LIPC: variants seen among roughly 807,000 people sequenced by gnomAD.
The protein encoded by LIPC is lipase C, hepatic type.
A neutral mutation model predicts 50.7 loss-of-function variants in LIPC; 44 were observed. That is an observed-to-expected ratio of 0.87 (90% CI 0.68 to 1.11). The LOEUF (loss-of-function observed/expected upper bound fraction) is 1.11, where lower values mean the gene tolerates loss of function less well. LIPC is among the 50% of genes most tolerant of loss of function. LIPC has a pLI of 0.00. For missense variants in LIPC, 697 were observed against 648.2 expected (o/e 1.08, Z -0.82); for synonymous variants, 271 against 256.4 (o/e 1.06, Z -0.54).
chr15:58,501,010 T>C (rs897191785), intron 1 of LIPC, among the ~76,000 whole-genome samples: 1 of 152,026 alleles, frequency 6.6e-6, no homozygotes, highest in Non-Finnish European at 1.5e-5. Context: ...CAATCCATAT[T>C]TCTCCCATCT....
intron 1 of LIPC, among the ~76,000 whole-genome samples, chr15:58,492,359 A>G (rs1430480550): frequency 6.6e-6 from 1 of 152,222 alleles, no homozygotes; most frequent in Non-Finnish European, 1.5e-5. Flanking sequence ...ATATTATTGT[A>G]ATGTTACTAT....
chr15:58,464,982 G>A (rs557790951), intron 1 of LIPC, among the ~76,000 whole-genome samples: 61 of 152,184 alleles, frequency 4.0e-4, no homozygotes, highest in African/African-American at 1.3e-3. Flanking sequence ...CAAAAATGGG[G>A]AGCGAGGGGG....
At chr15:58,499,806 A>C (rs1390302640) in intron 1 of LIPC, among the ~76,000 whole-genome samples, 1 of 152,204 alleles carries the variant, frequency 6.6e-6, no homozygotes, top group Non-Finnish European at 1.5e-5. Context: ...GTTGGATAAC[A>C]GAAGTGGTCT....
At chr15:58,553,863 C>G (rs1034143363) in intron 6 of LIPC, among the ~76,000 whole-genome samples, 1 of 152,170 alleles carries the variant, frequency 6.6e-6, no homozygotes, top group Non-Finnish European at 1.5e-5. Flanking sequence ...ATCCTGGGCC[C>G]CTCAATCCTA....
intron 1 of LIPC, among the ~76,000 whole-genome samples, chr15:58,526,412 C>T (rs1566938900): frequency 6.6e-6 from 1 of 152,192 alleles, no homozygotes; most frequent in Admixed American, 6.5e-5. Flanking sequence ...GAGCATCCCA[C>T]AGCTGGAGCA....
At chr15:58,555,127 C>T (rs1893891573) in intron 6 of LIPC, among the ~76,000 whole-genome samples, 1 of 152,234 alleles carries the variant, frequency 6.6e-6, no homozygotes, top group Non-Finnish European at 1.5e-5. Flanking sequence ...TCCTCTAAAG[C>T]TGACTCCTGG....
At chr15:58,502,919 A>G (rs1258381078) in intron 1 of LIPC, among the ~76,000 whole-genome samples, 1 of 149,600 alleles carries the variant, frequency 6.7e-6, no homozygotes, top group African/African-American at 2.5e-5. Context: ...AGCTTTCCTA[A>G]TCATTCAACA....
At chr15:58,462,821 A>T (rs554701242) in intron 1 of LIPC, among the ~76,000 whole-genome samples, 1 of 152,254 alleles carries the variant, frequency 6.6e-6, no homozygotes, top group East Asian at 1.9e-4. Context: ...CTCTCGGCAG[A>T]GGGGGCAGGC....
At chr15:58,451,428 G>A (rs1893895387) in intron 1 of LIPC, among the ~76,000 whole-genome samples, 3 of 152,012 alleles carry the variant, frequency 2.0e-5, no homozygotes, top group African/African-American at 7.3e-5. Flanking sequence ...TTCTTCATTC[G>A]CTCCCCACCC....
chr15:58,537,278 G>C (rs1443400251), intron 1 of LIPC, among the ~76,000 whole-genome samples: 9 of 152,170 alleles, frequency 5.9e-5, no homozygotes, highest in Non-Finnish European at 1.2e-4. Flanking sequence ...GACAGCTGTC[G>C]GGCTGCCTGG....
chr15:58,561,943 T>C (rs1220156675), intron 7 of LIPC, among the ~76,000 whole-genome samples: 2 of 152,116 alleles, frequency 1.3e-5, no homozygotes, highest in African/African-American at 4.8e-5. Context: ...ATTCAGATGG[T>C]TGGAGGGCTT....
At chr15:58,530,684 A>G (rs57217507) in intron 1 of LIPC, among the ~76,000 whole-genome samples, 46 of 152,300 alleles carry the variant, frequency 3.0e-4, no homozygotes, top group African/African-American at 1.1e-3. Context: ...CATTCCCTGG[A>G]CCCAGGAAAT....
Position 58,568,768 on chromosome 15 carries a change from G to GA in LIPC, c.1447dup (p.Ile483AsnfsTer6), listed in dbSNP as rs1380802433. The stretch of plus-strand genomic sequence containing the variant: ...TGACCTACTACTTCGCCCAACCCAG[G>GA]AAAAAATCTTCGTGAAATGTGAAAT... On this transcript the variant is annotated frameshift_variant, in exon 9 of 9. Coordinates refer to ENST00000299022, the MANE Select transcript of LIPC (RefSeq NM_000236.3). LOFTEE classifies it high-confidence loss of function. 6.2e-6 allele frequency: 10 copies of GA among 1,611,796 alleles called. No individual in the cohort carries two copies. Among genetic ancestry groups the GA allele is most frequent in the South Asian group, 2.2e-5 (2 of 90,798 alleles).
intron 1 of LIPC, among the ~76,000 whole-genome samples, chr15:58,476,995 G>A (rs2140761156): frequency 6.6e-6 from 1 of 152,314 alleles, no homozygotes; most frequent in Middle Eastern, 3.4e-3. Context: ...AACTGGTCTT[G>A]CACCACCATG....
At chr15:58,540,059 G>A (rs931965082) in intron 2 of LIPC, among the ~76,000 whole-genome samples, 3 of 152,156 alleles carry the variant, frequency 2.0e-5, no homozygotes, top group Non-Finnish European at 4.4e-5. Context: ...CCCTGGGAAG[G>A]ATTCTGTCCT....
intron 6 of LIPC, among the ~76,000 whole-genome samples, chr15:58,556,257 GA>G (rs1405984721): frequency 6.6e-6 from 1 of 152,140 alleles, no homozygotes; most frequent in Non-Finnish European, 1.5e-5. Flanking sequence ...GTACTCCTTG[GA>G]GGCCTAGTGT....
At chr15:58,567,071 G>A (rs569394334) in intron 8 of LIPC, among the ~76,000 whole-genome samples, 139 of 151,492 alleles carry the variant, frequency 9.2e-4, no homozygotes, top group Non-Finnish European at 1.6e-3. Flanking sequence ...GCGTGGTGGC[G>A]CATGCCTATA....
At chr15:58,501,697 C>T (rs1267192939) in intron 1 of LIPC, among the ~76,000 whole-genome samples, 1 of 152,126 alleles carries the variant, frequency 6.6e-6, no homozygotes. Context: ...ATTTTTAAAT[C>T]TCTACAGAAG....
chr15:58,542,038 A>G lies in LIPC; in HGVS notation c.456+71A>G, dbSNP rs542848118. On this transcript the variant is annotated intron_variant, in intron 3 of 8. Transcript: ENST00000299022. ...CCTTCCTCTGAGAGTGAATGAATTA[A>G]GCTGGTCTCCAACAGCAGCCCAGGC... is the stretch of plus-strand genomic sequence containing the variant. 5.8e-5 allele frequency: 88 copies of G among 1,505,114 alleles called. 1 individual carries two copies. The East Asian group carries it at 1.7e-3, about 29-fold the overall frequency. The allele number at this position is 1,505,114 out of a possible 1,614,324, so 93.2% of individuals were successfully genotyped here.
Sources: allele counts gnomAD v4.1 joint callset (sites outside exome capture counted in the v4.1 genomes callset), GRCh38; gene constraint gnomAD v4.1.1; transcripts MANE v1.5; gene names NCBI Gene and HGNC (gene_info 2026-07-23, HGNC 2026-07-21).